The following DGUOK variants were observed in gnomAD, a reference collection of about 807,000 sequenced individuals.
DGUOK encodes deoxyguanosine kinase, mitochondrial.
A neutral mutation model predicts 36.6 loss-of-function variants in DGUOK; 30 were observed. The observed-to-expected ratio is 0.82, with a 90% confidence interval of 0.61 to 1.11. The LOEUF (loss-of-function observed/expected upper bound fraction) is 1.11. DGUOK is among the 50% of genes most tolerant of loss of function. The pLI is 0.00. For synonymous variants in DGUOK, 145 were observed against 126.3 expected, an observed-to-expected ratio of 1.15 and a Z score of -0.99; for missense variants, 361 against 336.4, an observed-to-expected ratio of 1.07 and a Z score of -0.57.
intron 4 of DGUOK, among the ~76,000 whole-genome samples, chr2:73,955,736 T>A (rs958690324): frequency 2.7e-4 from 41 of 151,872 alleles, no homozygotes; most frequent in African/African-American, 9.7e-4. Flanking sequence ...TAGTTGGGCG[T>A]GGTGGCTCCC....
At chr2:73,958,528 T>C (rs1683301353) in intron 6 of DGUOK, among the ~76,000 whole-genome samples, 182 bp from the exon 7 acceptor site, 1 of 152,240 alleles carries the variant, frequency 6.6e-6, no homozygotes, top group Admixed American at 6.5e-5. Context: ...TACTGGATTC[T>C]ATTCCCAGCT....
At chr2:73,932,810 A>C in intron 1 of DGUOK, 1 of 371,022 alleles carries the variant, frequency 2.7e-6, no homozygotes, top group South Asian at 2.4e-5. Flanking sequence ...ATCTAGCATG[A>C]CTTACGAAGC....
chr2:73,958,833 T>C lies in DGUOK; in HGVS notation c.*97T>C. On this transcript the variant is annotated 3_prime_UTR_variant, in exon 7 of 7. Coordinates refer to ENST00000264093, the MANE Select transcript of DGUOK (RefSeq NM_080916.3). ...CAACCACCTTTCCATCCCCAGCCCC[T>C]CTCATCCCTGGAGCACTCTGCCGCT... The C allele has an allele frequency of 9.7e-7, 1 of 1,032,382 alleles. No homozygotes were observed. Among genetic ancestry groups the C allele is most frequent in the Non-Finnish European group, 1.5e-6 (1 of 649,784 alleles). The allele number at this position is 1,032,382 out of a possible 1,614,324, so 64.0% of individuals were successfully genotyped here.
rs147954447 is a variant in DGUOK, at chr2:73,948,990, C to T, written c.444-1595C>T. Among the ~76,000 whole-genome samples the T allele has an allele frequency of 5.4e-3, 817 of 152,292 alleles. 5 individuals carry two copies. Among genetic ancestry groups the T allele is most frequent in the South Asian group, 8.1e-3 (39 of 4,826 alleles). On this transcript the variant is annotated intron_variant, in intron 3 of 6. Transcript: ENST00000264093. ...GTTTTAAGACAGAGTCTCGCTCTGT[C>T]GCCCAGGCTGGAGTGCAGTGGTGTA...
At chr2:73,956,354 C>T (rs894272205) in intron 4 of DGUOK, among the ~76,000 whole-genome samples, 1 of 152,156 alleles carries the variant, frequency 6.6e-6, no homozygotes, top group Non-Finnish European at 1.5e-5. Context: ...TTCAAATTAC[C>T]TAACATTTTA....
In DGUOK at chr2:73,946,804, C is replaced by T; in HGVS notation, c.341C>T (p.Ser114Phe). 6.2e-7 allele frequency: 1 copy of T among 1,614,038 alleles called. No homozygotes were observed. Among genetic ancestry groups the T allele is most frequent in the Non-Finnish European group, 8.5e-7 (1 of 1,180,032 alleles). Residue 114 changes from serine (S) to phenylalanine (F), a missense_variant, in exon 3 of 7, where the codon TCC becomes TTC. Physicochemically the swap from Ser to Phe is radical, Grantham distance 155. Coordinates refer to ENST00000264093, the MANE Select transcript of DGUOK (RefSeq NM_080916.3). ...TGGTCCTACACATTCCAGACATTTT[C>T]CTTTTTGAGCCGCCTGAAAGTACAG... ...ARWSYTFQTFSFLSRLKVQLE... is the reference protein window; with the variant it reads ...ARWSYTFQTFFFLSRLKVQLE...
chr2:73,932,955 C>T (rs1344877166), intron 1 of DGUOK, among the ~76,000 whole-genome samples: 1 of 152,106 alleles, frequency 6.6e-6, no homozygotes. Context: ...GATTATCTTA[C>T]GATTACAAGC....
At chr2:73,947,699 A>T (rs938153132) in intron 3 of DGUOK, 1 of 152,740 alleles carries the variant, frequency 6.5e-6, no homozygotes, top group African/African-American at 2.4e-5. Flanking sequence ...CTAGAGACAA[A>T]GTCAGGATGG....
chr2:73,930,783 T>C (rs1247377015), intron 1 of DGUOK, among the ~76,000 whole-genome samples: 2 of 80,812 alleles, frequency 2.5e-5, no homozygotes, highest in Non-Finnish European at 5.9e-5. Flanking sequence ...CATAATTTTC[T>C]TTTTTTTTTT....
intron 1 of DGUOK, among the ~76,000 whole-genome samples, chr2:73,936,110 G>A (rs148405305): frequency 0.013 from 1,926 of 152,274 alleles, 32 homozygotes; most frequent in Admixed American, 0.047. Flanking sequence ...TAGCTTTTTA[G>A]CTATTAAATA....
intron 4 of DGUOK, among the ~76,000 whole-genome samples, chr2:73,952,939 A>T (rs1005591258): frequency 5.3e-5 from 8 of 152,158 alleles, no homozygotes; most frequent in African/African-American, 1.7e-4. Context: ...GGGAAGTCCA[A>T]ATTGGGCAGC....
chr2:73,940,329 C>T (rs1375897592), intron 2 of DGUOK, among the ~76,000 whole-genome samples: 4 of 152,186 alleles, frequency 2.6e-5, no homozygotes, highest in Admixed American at 2.0e-4. Flanking sequence ...AAGAGTGCTA[C>T]TTGGAGGTGA....
chr2:73,942,638 T>C (rs1681985047), intron 2 of DGUOK, among the ~76,000 whole-genome samples: 1 of 152,206 alleles, frequency 6.6e-6, no homozygotes, highest in Non-Finnish European at 1.5e-5. Context: ...AAAATAATAG[T>C]TGTCTCTAAA....
intron 1 of DGUOK, among the ~76,000 whole-genome samples, chr2:73,930,918 C>T (rs1721260): frequency 0.56 from 84,750 of 150,290 alleles, 25,056 homozygotes; most frequent in Non-Finnish European, 0.65. Context: ...GCCTCAGGCT[C>T]CCAAGTAGCT....
intron 2 of DGUOK, among the ~76,000 whole-genome samples, chr2:73,941,180 C>G (rs545448795): frequency 6.6e-6 from 1 of 152,190 alleles, no homozygotes; most frequent in African/African-American, 2.4e-5. Flanking sequence ...ACTGAGGCCT[C>G]CTGTGAACAG....
At chr2:73,951,991 C>T (rs1267376818) in intron 4 of DGUOK, among the ~76,000 whole-genome samples, 2 of 151,984 alleles carry the variant, frequency 1.3e-5, no homozygotes, top group African/African-American at 2.4e-5. Context: ...CGATATAGTG[C>T]GACTCCATTT....
At chr2:73,958,364 T>A in intron 6 of DGUOK, 119 bp downstream of exon 6, 1 of 786,246 alleles carries the variant, frequency 1.3e-6, no homozygotes. Flanking sequence ...ACATTGCATT[T>A]CACACTCCAA....
intron 3 of DGUOK, among the ~76,000 whole-genome samples, chr2:73,948,197 C>A (rs6546878): frequency 0.68 from 103,152 of 152,100 alleles, 35,234 homozygotes; most frequent in Non-Finnish European, 0.69. Flanking sequence ...TCTCGGACTC[C>A]GAAGTTGAAT....
intron 5 of DGUOK, 35 bp downstream of exon 5, chr2:73,957,275 G>T (rs1365185060): frequency 1.9e-6 from 3 of 1,540,414 alleles, no homozygotes; most frequent in South Asian, 1.1e-5. Flanking sequence ...CAGAGACAGA[G>T]ACCTGGCTCC....
Sources: gnomAD v4.1 joint callset for allele counts (sites outside exome capture counted in the v4.1 genomes callset) on GRCh38, gnomAD v4.1.1 for gene constraint, MANE v1.5 for transcripts, NCBI Gene and HGNC (gene_info 2026-07-23, HGNC 2026-07-21) for gene names.